Variants in POLB observed in about 807,000 individuals in gnomAD.
The protein encoded by POLB is DNA polymerase beta, also known as 5'-dRP lyase.
POLB carries 37 observed loss-of-function variants against 52.7 expected under a neutral mutation model. That is an observed-to-expected ratio of 0.70 (90% CI 0.54 to 0.92). The LOEUF (loss-of-function observed/expected upper bound fraction) is 0.92, where lower values mean the gene tolerates loss of function less well. Among genes scored for constraint, POLB ranks in the 40% least tolerant of loss-of-function variants. The pLI is 0.00. For missense variants in POLB, 313 were observed against 400.8 expected, an observed-to-expected ratio of 0.78 and a Z score of 1.87; for synonymous variants, 138 against 131.3, an observed-to-expected ratio of 1.05 and a Z score of -0.35.
chr8:42,349,896 C>G (rs1169297610), intron 4 of POLB, 111 bp from the exon 5 acceptor site: 3 of 743,198 alleles, frequency 4.0e-6, no homozygotes, highest in Non-Finnish European at 7.1e-6. Flanking sequence ...GTCACCCAGG[C>G]AAATGTAAAT....
chr8:42,367,450 C>T (rs116835033), intron 11 of POLB, among the ~76,000 whole-genome samples: 66 of 152,086 alleles, frequency 4.3e-4, no homozygotes, highest in African/African-American at 1.6e-3. Flanking sequence ...GGCAGGAGTC[C>T]GAGCACCAAG....
In POLB at chr8:42,338,689, A is replaced by G. The variant is rs1196258679; in HGVS notation, c.61+4A>G. ...GGAATCACCGACATGCTCACAGGTT[A>G]GCACCGGGCCGGGCCCCGCTGGCTT... On this transcript the variant is annotated splice_donor_region_variant and intron_variant, in intron 1 of 13. Coordinates refer to ENST00000265421, the MANE Select transcript of POLB (RefSeq NM_002690.3). The G allele has an allele frequency of 6.2e-7, 1 of 1,613,688 alleles. No homozygotes were observed. The highest frequency in any genetic ancestry group is 8.5e-7 in the Non-Finnish European group (1 of 1,179,686).
intron 9 of POLB, among the ~76,000 whole-genome samples, chr8:42,359,521 ATTTTT>A (rs900964546): frequency 9.0e-6 from 1 of 110,532 alleles, no homozygotes. Flanking sequence ...CACCCGGCTA[ATTTTT>A]TTTTTTTTTT....
chr8:42,371,095 C>T (rs1194145549), intron 13 of POLB, among the ~76,000 whole-genome samples: 4 of 152,286 alleles, frequency 2.6e-5, no homozygotes, highest in South Asian at 2.1e-4. Context: ...GAAGCTCCAG[C>T]ACAGCCTCCT....
At chr8:42,342,954 C>T (rs561091290) in intron 2 of POLB, among the ~76,000 whole-genome samples, 68 of 152,046 alleles carry the variant, frequency 4.5e-4, no homozygotes, top group African/African-American at 1.6e-3. Flanking sequence ...TTTGGGAGAC[C>T]GAGGCAGGTG....
At chr8:42,368,660 T>C (rs368928383) in intron 11 of POLB, among the ~76,000 whole-genome samples, 2 of 152,322 alleles carry the variant, frequency 1.3e-5, no homozygotes, top group East Asian at 3.9e-4. Context: ...AAAAATTACC[T>C]GTGAAGGAAG....
chr8:42,343,374 A>ATATAT (rs1585868443), intron 2 of POLB, among the ~76,000 whole-genome samples: 1 of 115,234 alleles, frequency 8.7e-6, no homozygotes, highest in Non-Finnish European at 1.9e-5. Flanking sequence ...ATATATACAC[A>ATATAT]AAATTAGCCA....
chr8:42,342,433 C>T (rs1038962894), intron 2 of POLB: 58 of 1,391,598 alleles, frequency 4.2e-5, no homozygotes, highest in Non-Finnish European at 5.2e-5. Context: ...CCCCTCTATA[C>T]GGGCATAAGC....
In POLB at chr8:42,364,448, C is replaced by T. The variant is rs192894873; in HGVS notation, c.708+1750C>T. ...TTCACCATGTTGCTCAGACTGGTCT[C>T]GAACTCCTCAGCTCAAGTGATCCAC... On this transcript the variant is annotated intron_variant, in intron 11 of 13. Coordinates refer to ENST00000265421, the MANE Select transcript of POLB (RefSeq NM_002690.3). 5.3e-3 allele frequency among the ~76,000 whole-genome samples: 814 copies of T among 152,214 alleles called. 3 individuals carry two copies. The highest frequency in any genetic ancestry group is 9.4e-3 in the Admixed American group (144 of 15,294).
chr8:42,357,560 G>T, intron 9 of POLB, 168 bp downstream of exon 9: 1 of 490,462 alleles, frequency 2.0e-6, no homozygotes. Flanking sequence ...ATGTAACTAG[G>T]GGAAATTCAT....
At chr8:42,367,583 C>G (rs886766382) in intron 11 of POLB, among the ~76,000 whole-genome samples, 1 of 152,138 alleles carries the variant, frequency 6.6e-6, no homozygotes, top group Non-Finnish European at 1.5e-5. Context: ...ATTCCATATC[C>G]CCTTTTTTTG....
intron 2 of POLB, chr8:42,341,820 C>T (rs527501674): frequency 7.4e-6 from 4 of 540,066 alleles, no homozygotes; most frequent in South Asian, 3.3e-5. Context: ...TTCTTTTGAG[C>T]TATGCGATCT....
At chr8:42,351,462 T>C (rs1191719523) in intron 5 of POLB, among the ~76,000 whole-genome samples, 1 of 152,244 alleles carries the variant, frequency 6.6e-6, no homozygotes, top group East Asian at 1.9e-4. Context: ...TGCATTTCTT[T>C]CTGTTCACCG....
chr8:42,345,702 G>A (rs1822569168), intron 3 of POLB, among the ~76,000 whole-genome samples: 1 of 152,076 alleles, frequency 6.6e-6, no homozygotes, highest in Non-Finnish European at 1.5e-5. Flanking sequence ...TGAGTGTCAT[G>A]TCAGCACTCA....
chr8:42,370,003 G>C lies in POLB; in HGVS notation c.913+15G>C. The C allele has an allele frequency of 6.3e-7, 1 of 1,592,442 alleles. No homozygotes were observed. Among genetic ancestry groups the C allele is most frequent in the Non-Finnish European group, 8.6e-7 (1 of 1,160,552 alleles). On this transcript the variant is annotated intron_variant, in intron 13 of 13. Coordinates refer to ENST00000265421, the MANE Select transcript of POLB (RefSeq NM_002690.3). ...GGGAGTCACTGGTGAGTGTCCATGT[G>C]TGTATTAGAGATCATCTCTCATCTG...
intron 2 of POLB, among the ~76,000 whole-genome samples, chr8:42,341,292 T>C (rs879918359): frequency 1.3e-5 from 2 of 152,240 alleles, no homozygotes; most frequent in Non-Finnish European, 2.9e-5. Flanking sequence ...CCTTTTAGGC[T>C]TTGCCTCACA....
At chr8:42,359,424 G>A (rs1271400849) in intron 9 of POLB, among the ~76,000 whole-genome samples, 12 of 151,004 alleles carry the variant, frequency 7.9e-5, no homozygotes, top group African/African-American at 2.2e-4. Flanking sequence ...GCGTGATCTC[G>A]GCTCACTGCA....
chr8:42,339,390 A>G (rs1822051943), intron 2 of POLB: 1 of 326,122 alleles, frequency 3.1e-6, no homozygotes. Flanking sequence ...TGTGAAATAT[A>G]TGTGGTTCAA....
In POLB at chr8:42,339,202, G is replaced by A. The variant is rs1175765357; in HGVS notation, c.119+133G>A. On this transcript the variant is annotated intron_variant, in intron 2 of 13. Transcript: ENST00000265421. Reference sequence around the variant, plus strand: ...CGGGAAAAAGCAAGAATCGAGGCTGGTACCTTACTATTTCTTGAAGAATGT... The same window carrying A: ...CGGGAAAAAGCAAGAATCGAGGCTGATACCTTACTATTTCTTGAAGAATGT... 8 of 727,918 alleles carry A rather than the reference G, an allele frequency of 1.1e-5. No homozygotes were observed. In the South Asian group the frequency reaches 1.2e-4, roughly 11 times the overall value. 45.1% of individuals were successfully genotyped at this position (727,918 alleles called of 1,614,324 possible).
Sources: gnomAD v4.1 joint callset for allele counts (sites outside exome capture counted in the v4.1 genomes callset) on GRCh38, gnomAD v4.1.1 for gene constraint, MANE v1.5 for transcripts, NCBI Gene and HGNC (gene_info 2026-07-23, HGNC 2026-07-21) for gene names.